Variants in IQCM observed in about 807,000 individuals in gnomAD.
IQCM encodes IQ motif containing M.
Under a neutral mutation model 57.6 loss-of-function variants are expected in IQCM, and 45 were observed. The observed-to-expected ratio is 0.78, with a 90% confidence interval of 0.62 to 1.00. The LOEUF (loss-of-function observed/expected upper bound fraction) is 1.00, where lower values mean the gene tolerates loss of function less well. Ranked by LOEUF, IQCM falls within the 50% of genes least tolerant of loss-of-function variation. IQCM has a pLI of 0.00. For synonymous variants in IQCM, 148 were observed against 158.9 expected (o/e 0.93, Z 0.51); for missense variants, 468 against 511.6 (o/e 0.91, Z 0.82).
intron 7 of IQCM, among the ~76,000 whole-genome samples, chr4:149,643,693 G>T (rs886655487): frequency 6.6e-6 from 1 of 152,146 alleles, no homozygotes; most frequent in African/African-American, 2.4e-5. Context: ...CCCAGAAGTT[G>T]CCAATGGTAT....
chr4:149,537,152 AACAG>A (rs1208630603), intron 12 of IQCM, among the ~76,000 whole-genome samples: 19 of 152,034 alleles, frequency 1.2e-4, no homozygotes, highest in African/African-American at 4.1e-4. Flanking sequence ...GGTTAGATTT[AACAG>A]ACAAAGAACT....
chr4:149,539,530 A>T (rs992634777), intron 12 of IQCM, among the ~76,000 whole-genome samples: 3 of 152,150 alleles, frequency 2.0e-5, no homozygotes, highest in Non-Finnish European at 4.4e-5. Flanking sequence ...CAATGGGTGA[A>T]TTTTTTAAGA....
chr4:149,453,984 G>A (rs1034259931), intron 12 of IQCM, among the ~76,000 whole-genome samples: 6 of 151,452 alleles, frequency 4.0e-5, no homozygotes, highest in African/African-American at 1.5e-4. Flanking sequence ...CTGATGAGTA[G>A]GTAAACAAAT....
intron 12 of IQCM, among the ~76,000 whole-genome samples, chr4:149,537,136 C>T (rs1747376505): frequency 6.6e-6 from 1 of 151,800 alleles, no homozygotes; most frequent in African/African-American, 2.4e-5. Context: ...TCTGAATGAA[C>T]TCAGAGGTTA....
At chr4:149,774,434 C>T (rs1770881493) in intron 2 of IQCM, among the ~76,000 whole-genome samples, 1 of 152,164 alleles carries the variant, frequency 6.6e-6, no homozygotes, top group South Asian at 2.1e-4. Flanking sequence ...AAACAATATT[C>T]ACATGTTCCT....
chr4:149,494,243 T>C (rs1579255448), intron 12 of IQCM, among the ~76,000 whole-genome samples: 2 of 152,018 alleles, frequency 1.3e-5, no homozygotes, highest in African/African-American at 4.8e-5. Flanking sequence ...TGCAAAGTAA[T>C]CACTCTAATA....
At chr4:149,438,648 T>A (rs536845663) in intron 12 of IQCM, among the ~76,000 whole-genome samples, 1 of 152,198 alleles carries the variant, frequency 6.6e-6, no homozygotes, top group Admixed American at 6.5e-5. Context: ...GATACAAAGT[T>A]ATCAATATGA....
chr4:149,441,749 A>C lies in IQCM; in HGVS notation c.1229-8192T>G, dbSNP rs189305123. ...TCATTAGACAAGAGACTTCTCCACA[A>C]ATCTTTCCTGTATAATCCCATTCCT... On this transcript the variant is annotated intron_variant, in intron 12 of 13. Transcript: ENST00000636793. Among the ~76,000 whole-genome samples the C allele has an allele frequency of 2.0e-3, 304 of 152,208 alleles. 2 individuals are homozygous for C. The highest frequency in any genetic ancestry group is 0.014 in the Middle Eastern group (4 of 294).
chr4:149,557,056 A>G (rs1749658634), intron 10 of IQCM, among the ~76,000 whole-genome samples: 1 of 152,200 alleles, frequency 6.6e-6, no homozygotes, highest in South Asian at 2.1e-4. Context: ...GTACTCTGAA[A>G]AATATTAAAT....
intron 2 of IQCM, among the ~76,000 whole-genome samples, chr4:149,779,368 T>G (rs566584374): frequency 2.0e-5 from 3 of 152,294 alleles, no homozygotes; most frequent in African/African-American, 7.2e-5. Flanking sequence ...ATTTCAAGAT[T>G]TACTCTATAG....
At chr4:149,498,980 T>C (rs1459832592) in intron 12 of IQCM, among the ~76,000 whole-genome samples, 1 of 152,042 alleles carries the variant, frequency 6.6e-6, no homozygotes, top group African/African-American at 2.4e-5. Flanking sequence ...AGGTGGTAAA[T>C]CAAAAAATAA....
chr4:149,387,941 T>A (rs971144770), intron 13 of IQCM, among the ~76,000 whole-genome samples: 2 of 152,052 alleles, frequency 1.3e-5, no homozygotes, highest in Non-Finnish European at 2.9e-5. Flanking sequence ...TCATGTAATA[T>A]TCCATTTTGT....
At chr4:149,633,682 TTACTAAC>T (rs776435798) in intron 7 of IQCM, among the ~76,000 whole-genome samples, 6 of 152,222 alleles carry the variant, frequency 3.9e-5, no homozygotes, top group Non-Finnish European at 7.3e-5. Context: ...TTTACTGGTC[TTACTAAC>T]TACTATGTCC....
intron 8 of IQCM, among the ~76,000 whole-genome samples, chr4:149,611,394 T>C (rs913111878): frequency 3.9e-5 from 6 of 152,040 alleles, no homozygotes; most frequent in African/African-American, 1.4e-4. Flanking sequence ...ACATGTTTGT[T>C]GCACCACTAT....
At chr4:149,532,252 T>C (rs889802369) in intron 12 of IQCM, among the ~76,000 whole-genome samples, 1 of 152,110 alleles carries the variant, frequency 6.6e-6, no homozygotes, top group Non-Finnish European at 1.5e-5. Context: ...CAGCAATATG[T>C]CTTTTACCTA....
At chr4:149,392,396 C>T (rs1205231798) in intron 13 of IQCM, among the ~76,000 whole-genome samples, 2 of 151,942 alleles carry the variant, frequency 1.3e-5, no homozygotes, top group African/African-American at 2.4e-5. Flanking sequence ...GCTTTGCAAC[C>T]GTAAACAGAA....
At chr4:149,663,651 T>A (rs1437110317) in intron 7 of IQCM, among the ~76,000 whole-genome samples, 1 of 152,126 alleles carries the variant, frequency 6.6e-6, no homozygotes, top group African/African-American at 2.4e-5. Context: ...GTATGTTGAA[T>A]ATACCATTCT....
intron 5 of IQCM, among the ~76,000 whole-genome samples, chr4:149,688,403 A>G (rs535506750): frequency 2.0e-5 from 3 of 152,030 alleles, no homozygotes; most frequent in Admixed American, 2.0e-4. Context: ...CCAAGGAGGC[A>G]AAAGACCTCT....
At chr4:149,385,938 C>T (rs76128842) in intron 13 of IQCM, among the ~76,000 whole-genome samples, 4,002 of 152,086 alleles carry the variant, frequency 0.026, 78 homozygotes, top group South Asian at 0.048. Context: ...GAACTACATT[C>T]CTTTCATTCC....
Sources: allele counts gnomAD v4.1 joint callset (sites outside exome capture counted in the v4.1 genomes callset), GRCh38; gene constraint gnomAD v4.1.1; transcripts MANE v1.5; gene names NCBI Gene and HGNC (gene_info 2026-07-23, HGNC 2026-07-21).